UBAP1: variants seen among roughly 807,000 people sequenced by gnomAD.
The protein encoded by UBAP1 is ubiquitin-associated protein 1.
Under a neutral mutation model 39.0 loss-of-function variants are expected in UBAP1, and 5 were observed. The observed-to-expected ratio is 0.13, with a 90% confidence interval of 0.07 to 0.27. The LOEUF (loss-of-function observed/expected upper bound fraction) is 0.27, where lower values mean the gene tolerates loss of function less well. Ranked by LOEUF, UBAP1 falls within the 10% of genes least tolerant of loss-of-function variation. The pLI, the probability that UBAP1 is intolerant of heterozygous loss-of-function variation, is 1.00. For synonymous variants in UBAP1, 211 were observed against 225.1 expected (o/e 0.94, Z 0.56); for missense variants, 490 against 608.1 (o/e 0.81, Z 2.04).
chr9:34,198,559 C>T (rs891982374), intron 1 of UBAP1, among the ~76,000 whole-genome samples: 3 of 152,134 alleles, frequency 2.0e-5, no homozygotes, highest in African/African-American at 7.2e-5. Flanking sequence ...ATAGACATGC[C>T]GCAGATGGGC....
chr9:34,216,497 A>T (rs1283145524), intron 1 of UBAP1, among the ~76,000 whole-genome samples: 4 of 151,694 alleles, frequency 2.6e-5, no homozygotes, highest in Non-Finnish European at 5.9e-5. Flanking sequence ...TTTTTATTTT[A>T]AATTTTTTTT....
chr9:34,197,695 A>G (rs975578931), intron 1 of UBAP1, among the ~76,000 whole-genome samples: 11 of 151,998 alleles, frequency 7.2e-5, no homozygotes, highest in Non-Finnish European at 2.9e-5. Flanking sequence ...GGTTACAAGC[A>G]TGTGCTACCA....
chr9:34,251,606 A>G lies in UBAP1; in HGVS notation c.*74A>G. ...CCCTGCAGAGCCCACCTGTGGGGAA[A>G]GAGAAGGGGCAGCTTCCGGATTTTC... On this transcript the variant is annotated 3_prime_UTR_variant, in exon 7 of 7. Coordinates refer to ENST00000297661, the MANE Select transcript of UBAP1 (RefSeq NM_016525.5). 1 of 1,531,594 alleles carries G rather than the reference A, an allele frequency of 6.5e-7. No individual in the cohort carries two copies. Among genetic ancestry groups the G allele is most frequent in the South Asian group, 1.2e-5 (1 of 83,252 alleles). 94.9% of individuals were successfully genotyped at this position (1,531,594 alleles called of 1,614,324 possible).
chr9:34,184,386 C>G (rs1397517747), intron 1 of UBAP1, among the ~76,000 whole-genome samples: 1 of 150,900 alleles, frequency 6.6e-6, no homozygotes, highest in African/African-American at 2.4e-5. Flanking sequence ...AATCCCAGCA[C>G]TTTGGGAGGC....
intron 1 of UBAP1, among the ~76,000 whole-genome samples, chr9:34,208,067 T>G (rs1325246548): frequency 6.6e-6 from 1 of 152,234 alleles, no homozygotes; most frequent in African/African-American, 2.4e-5. Context: ...AAAACTCATG[T>G]AAAGGAGATA....
intron 3 of UBAP1, 105 bp from the exon 4 acceptor site, chr9:34,241,080 G>T: frequency 1.3e-6 from 1 of 783,562 alleles, no homozygotes; most frequent in Middle Eastern, 3.9e-4. Context: ...ATGCTGCCTT[G>T]TCCGGTTATC....
At chr9:34,226,967 C>T (rs544628628) in intron 2 of UBAP1, among the ~76,000 whole-genome samples, 4 of 152,144 alleles carry the variant, frequency 2.6e-5, no homozygotes, top group African/African-American at 9.6e-5. Flanking sequence ...TCCATTAGAC[C>T]CTTTAACATA....
At chr9:34,180,177 T>C (rs1243218005) in intron 1 of UBAP1, among the ~76,000 whole-genome samples, 1 of 152,190 alleles carries the variant, frequency 6.6e-6, no homozygotes, top group Non-Finnish European at 1.5e-5. Context: ...ACTTAGTCTT[T>C]AGTGATATAT....
chr9:34,184,596 A>C (rs903471445), intron 1 of UBAP1, among the ~76,000 whole-genome samples: 1 of 138,904 alleles, frequency 7.2e-6, no homozygotes, highest in Admixed American at 7.4e-5. Context: ...ACGCCACTGC[A>C]CTCCAGCCTG....
chr9:34,250,524 A>G (rs763238034), intron 5 of UBAP1, 134 bp from the exon 6 acceptor site: 3 of 611,008 alleles, frequency 4.9e-6, no homozygotes, highest in Non-Finnish European at 8.5e-6. Context: ...TCAAGGCACA[A>G]AATCAAATCC....
rs1279738264 is a variant in UBAP1, at chr9:34,179,242, T to TGAGGGGGGCCTCCCTCTGGGG, written c.-8+10_-8+30dup. 6.7e-6 allele frequency: 6 copies of TGAGGGGGGCCTCCCTCTGGGG among 894,754 alleles called. No homozygotes were observed. In the African/African-American group the frequency reaches 1.7e-4, roughly 25 times the overall value. 55.4% of individuals were successfully genotyped at this position (894,754 alleles called of 1,614,324 possible). A position where few individuals can be genotyped will look rare whatever the true frequency, so the allele number is the denominator to read the frequency against. On this transcript the variant is annotated splice_region_variant and intron_variant, in intron 1 of 6. Transcript: ENST00000297661. ...GACGGCGGCAGCAGCGGCATTCAGG[T>TGAGGGGGGCCTCCCTCTGGGG]GAGGGGGGCCTCCCTCTGGGGGAGG...
intron 2 of UBAP1, among the ~76,000 whole-genome samples, chr9:34,223,567 C>T (rs555900986): frequency 8.8e-4 from 134 of 152,296 alleles, no homozygotes; most frequent in African/African-American, 3.0e-3. Context: ...CCATTCTCTG[C>T]CTTAGCCTCC....
In UBAP1 at chr9:34,251,452, A is replaced by G. The variant is rs776514900; in HGVS notation, c.1429A>G (p.Ile477Val). 6.2e-7 allele frequency: 1 copy of G among 1,614,038 alleles called. No individual in the cohort carries two copies. The highest frequency in any genetic ancestry group is 1.3e-5 in the African/African-American group (1 of 74,908). ...GGAGATGGGCTTTGAGCTGAAAGACATTAAGGAAGTTTTGCTATTACACAA... is the reference window on the plus strand; with the variant it reads ...GGAGATGGGCTTTGAGCTGAAAGACGTTAAGGAAGTTTTGCTATTACACAA... ...FKEMGFELKD[I>V]KEVLLLHNND... is the part of the protein sequence containing the mutation. The change falls in exon 7 of 7, where the codon ATT (isoleucine) becomes GTT (valine). Residue 477 changes from isoleucine (I) to valine (V), a missense_variant. Ile to Val is a conservative substitution (Grantham distance 29, BLOSUM62 3). Coordinates refer to ENST00000297661, the MANE Select transcript of UBAP1 (RefSeq NM_016525.5).
chr9:34,224,052 C>T (rs151265797), intron 2 of UBAP1: 7 of 556,596 alleles, frequency 1.3e-5, no homozygotes, highest in East Asian at 9.3e-5. Flanking sequence ...AGCACATAGC[C>T]GTCTGTTTGG....
At chr9:34,215,190 CAATTCA>C (rs141809771) in intron 1 of UBAP1, among the ~76,000 whole-genome samples, 1 of 151,956 alleles carries the variant, frequency 6.6e-6, no homozygotes, top group East Asian at 1.9e-4. Flanking sequence ...TATAGCAGCA[CAATTCA>C]CAAGTGTAAA....
intron 2 of UBAP1, among the ~76,000 whole-genome samples, chr9:34,226,910 T>A (rs1833137249): frequency 6.6e-6 from 1 of 152,198 alleles, no homozygotes; most frequent in African/African-American, 2.4e-5. Flanking sequence ...TCTTTATATT[T>A]CCATCTCTCT....
chr9:34,193,510 G>T (rs996021648), intron 1 of UBAP1, among the ~76,000 whole-genome samples: 1 of 152,008 alleles, frequency 6.6e-6, no homozygotes, highest in Non-Finnish European at 1.5e-5. Flanking sequence ...CTTCAAGACT[G>T]CCTGCACACC....
Position 34,251,434 on chromosome 9 carries a change from G to A in UBAP1, c.1411G>A (p.Gly471Ser). ...GTTAATGAGCAAATTTAAGGAGATGGGCTTTGAGCTGAAAGACATTAAGGA... is the reference window on the plus strand; with the variant it reads ...GTTAATGAGCAAATTTAAGGAGATGAGCTTTGAGCTGAAAGACATTAAGGA... ...LQLMSKFKEM[G>S]FELKDIKEVL... is the part of the protein sequence containing the mutation. The change falls in exon 7 of 7, where the codon GGC becomes AGC. Residue 471 changes from glycine (G) to serine (S), a missense_variant. By Grantham distance (56) the Gly-to-Ser change is moderately conservative (BLOSUM62 0). Transcript: ENST00000297661. The A allele has an allele frequency of 6.2e-7, 1 of 1,614,130 alleles. No homozygotes were observed. Among genetic ancestry groups the A allele is most frequent in the Non-Finnish European group, 8.5e-7 (1 of 1,180,012 alleles).
intron 1 of UBAP1, among the ~76,000 whole-genome samples, chr9:34,182,673 T>TTTC (rs1830141942): frequency 3.0e-5 from 2 of 66,996 alleles, no homozygotes; most frequent in Non-Finnish European, 6.2e-5. Context: ...CTTTCTTTCT[T>TTTC]TCTTTCTTTC....
Sources: allele counts gnomAD v4.1 joint callset (sites outside exome capture counted in the v4.1 genomes callset), GRCh38; gene constraint gnomAD v4.1.1; transcripts MANE v1.5; gene names NCBI Gene and HGNC (gene_info 2026-07-23, HGNC 2026-07-21).